ANKFN1: variants seen among roughly 807,000 people sequenced by gnomAD.
ANKFN1 encodes the protein ankyrin repeat and fibronectin type-III domain-containing protein 1.
ANKFN1 carries 74 observed loss-of-function variants against 108.7 expected under a neutral mutation model. The observed-to-expected ratio is 0.68, with a 90% CI of 0.56 to 0.83. The LOEUF (loss-of-function observed/expected upper bound fraction) is 0.83. Ranked by LOEUF, ANKFN1 falls within the 40% of genes least tolerant of loss-of-function variation. ANKFN1 has a pLI of 0.00. For synonymous variants in ANKFN1, 547 were observed against 516.2 expected, an observed-to-expected ratio of 1.06 and a Z score of -0.81; for missense variants, 1,505 against 1,382.3, an observed-to-expected ratio of 1.09 and a Z score of -1.41.
intron 2 of ANKFN1, among the ~76,000 whole-genome samples, chr17:56,220,370 G>C (rs552001246): frequency 4.6e-5 from 7 of 152,268 alleles, no homozygotes; most frequent in Non-Finnish European, 7.4e-5. Flanking sequence ...TAAAGAAATA[G>C]CTTCTGGATG....
intron 4 of ANKFN1, among the ~76,000 whole-genome samples, chr17:56,105,055 G>C (rs1231291277): frequency 6.6e-6 from 1 of 152,148 alleles, no homozygotes; most frequent in Non-Finnish European, 1.5e-5. Flanking sequence ...TTTAAGAATA[G>C]AGCATATAAT....
At chr17:56,274,479 AT>A (rs780063459) in intron 3 of ANKFN1, among the ~76,000 whole-genome samples, 23 of 151,464 alleles carry the variant, frequency 1.5e-4, no homozygotes, top group South Asian at 4.2e-4. Flanking sequence ...CCTCAAAAAA[AT>A]AATAATAATA....
chr17:56,120,072 T>C (rs1209405341), intron 4 of ANKFN1, among the ~76,000 whole-genome samples: 1 of 152,220 alleles, frequency 6.6e-6, no homozygotes, highest in Non-Finnish European at 1.5e-5. Context: ...AGCCTAATTC[T>C]CAAATGATGC....
chr17:56,393,532 C>T (rs1369912115), intron 8 of ANKFN1, among the ~76,000 whole-genome samples: 2 of 152,216 alleles, frequency 1.3e-5, no homozygotes, highest in East Asian at 3.8e-4. Flanking sequence ...TGTCAGTGCA[C>T]AGTACCTGGC....
Position 56,457,346 on chromosome 17 carries a change from C to T in ANKFN1, c.1397C>T (p.Ser466Phe), listed in dbSNP as rs1449995284. 1 of 1,607,050 alleles carries T rather than the reference C, an allele frequency of 6.2e-7. No homozygotes were observed. Residue 466 changes from serine (S) to phenylalanine (F), a missense_variant, in exon 13 of 21, where the codon TCT becomes TTT. Coordinates refer to ENST00000682825, the MANE Select transcript of ANKFN1 (RefSeq NM_001370326.1). Reference sequence around the variant, plus strand: ...GTACCAATTGTTGAAATAGATGACTCTCACACCAGTTCTATTACACAAGAT... The same window carrying T: ...GTACCAATTGTTGAAATAGATGACTTTCACACCAGTTCTATTACACAAGAT... Reference protein sequence around the residue: ...DQVPIVEIDDSHTSSITQDFL... With the variant: ...DQVPIVEIDDFHTSSITQDFL...
intron 4 of ANKFN1, among the ~76,000 whole-genome samples, chr17:56,344,328 T>C (rs747513409): frequency 1.3e-5 from 2 of 152,048 alleles, no homozygotes; most frequent in African/African-American, 4.8e-5. Context: ...GGTGAGTTAA[T>C]GATTGAACAG....
At chr17:56,264,791 C>A (rs1029858479) in intron 3 of ANKFN1, among the ~76,000 whole-genome samples, 3 of 152,276 alleles carry the variant, frequency 2.0e-5, no homozygotes, top group Non-Finnish European at 2.9e-5. Context: ...GGGCTGTTAA[C>A]AATGACCTCA....
intron 19 of ANKFN1, among the ~76,000 whole-genome samples, chr17:56,493,123 G>C (rs1335767830): frequency 1.3e-5 from 2 of 152,164 alleles, no homozygotes. Context: ...GTCAGACACT[G>C]TGTGCGAGAC....
chr17:56,323,617 T>C (rs764184340), intron 3 of ANKFN1: 3 of 152,458 alleles, frequency 2.0e-5, no homozygotes, highest in Admixed American at 1.3e-4. Context: ...CTGTGGATGG[T>C]CACTTGGCAA....
At chr17:56,137,445 C>T (rs1017821724) in intron 4 of ANKFN1, among the ~76,000 whole-genome samples, 5 of 152,150 alleles carry the variant, frequency 3.3e-5, no homozygotes, top group South Asian at 2.1e-4. Context: ...GATAAGCCCT[C>T]GTAGAAACTT....
chr17:56,375,090 T>TA (rs565923892), intron 8 of ANKFN1, among the ~76,000 whole-genome samples: 90 of 151,858 alleles, frequency 5.9e-4, no homozygotes, highest in Non-Finnish European at 9.6e-4. Context: ...AAGTAGGGGT[T>TA]AAAAAAAACA....
At chr17:56,083,369 C>T (rs1051730400) in intron 4 of ANKFN1, among the ~76,000 whole-genome samples, 4 of 151,356 alleles carry the variant, frequency 2.6e-5, no homozygotes, top group Non-Finnish European at 4.4e-5. Flanking sequence ...CCTTTGCACA[C>T]GCTAAGTCAA....
chr17:56,457,751 T>A (rs1348206418), intron 13 of ANKFN1, 112 bp from the exon 14 acceptor site: 3 of 776,888 alleles, frequency 3.9e-6, no homozygotes, highest in East Asian at 5.0e-5. Flanking sequence ...GAAAATGGAC[T>A]GGAGAATAAA....
intron 4 of ANKFN1, among the ~76,000 whole-genome samples, chr17:56,049,671 C>T (rs9905512): frequency 0.26 from 37,892 of 147,622 alleles, 8,244 homozygotes; most frequent in African/African-American, 0.61. Flanking sequence ...GATAGTTTAC[C>T]GAGAATGATG....
At chr17:56,412,723 A>C (rs925228374) in intron 8 of ANKFN1, among the ~76,000 whole-genome samples, 2 of 152,218 alleles carry the variant, frequency 1.3e-5, no homozygotes, top group Non-Finnish European at 1.5e-5. Context: ...CTGCACTGTC[A>C]GCTTACCTAC....
At chr17:56,490,785 C>T (rs1254606142) in intron 18 of ANKFN1, among the ~76,000 whole-genome samples, 1 of 151,924 alleles carries the variant, frequency 6.6e-6, no homozygotes, top group Non-Finnish European at 1.5e-5. Context: ...AGGACAGAGG[C>T]CTCCTGAGTT....
At chr17:56,376,511 G>A (rs543116985) in intron 8 of ANKFN1, among the ~76,000 whole-genome samples, 10 of 152,282 alleles carry the variant, frequency 6.6e-5, no homozygotes, top group Admixed American at 1.3e-4. Context: ...AGATATGGAC[G>A]TTTTCTTTCT....
chr17:56,069,743 G>GA (rs1309931592), intron 4 of ANKFN1, among the ~76,000 whole-genome samples: 2 of 152,076 alleles, frequency 1.3e-5, no homozygotes, highest in Non-Finnish European at 1.5e-5. Context: ...TCTCCCACAA[G>GA]AAAAAATTCA....
Position 56,208,309 on chromosome 17 carries a change from C to T in ANKFN1, c.-70-4289C>T, listed in dbSNP as rs145657425. Among the ~76,000 whole-genome samples, 328 of 152,318 alleles carry T rather than the reference C, an allele frequency of 2.2e-3. 4 individuals are homozygous for T. In the East Asian group the frequency reaches 0.024, roughly 11 times the overall value. On this transcript the variant is annotated intron_variant, in intron 1 of 20. Transcript: ENST00000682825. Reference sequence around the variant, plus strand: ...GTGCTGGGATTACAGGCATCAGCCACCATACCCGGCCGTTAGACAAGGTTT... The same window carrying T: ...GTGCTGGGATTACAGGCATCAGCCATCATACCCGGCCGTTAGACAAGGTTT...
Sources: gnomAD v4.1 joint callset for allele counts (sites outside exome capture counted in the v4.1 genomes callset) on GRCh38, gnomAD v4.1.1 for gene constraint, MANE v1.5 for transcripts, NCBI Gene and HGNC (gene_info 2026-07-23, HGNC 2026-07-21) for gene names.